THSD7B: variants seen among roughly 807,000 people sequenced by gnomAD.
THSD7B encodes thrombospondin type 1 domain containing 7B.
In THSD7B, 138 loss-of-function variants were observed where a neutral mutation model predicts 213.6. That is an observed-to-expected ratio of 0.65 (90% CI 0.56 to 0.74). The LOEUF is 0.74. THSD7B is among the 30% of genes least tolerant of loss of function. The pLI, the probability that THSD7B is intolerant of heterozygous loss-of-function variation, is 0.00. For missense variants in THSD7B, 1,931 were observed against 1,991.5 expected, an observed-to-expected ratio of 0.97 and a Z score of 0.58; for synonymous variants, 742 against 687.0, an observed-to-expected ratio of 1.08 and a Z score of -1.25.
At chr2:137,343,303 C>T (rs1003831983) in intron 12 of THSD7B, among the ~76,000 whole-genome samples, 72 of 151,444 alleles carry the variant, frequency 4.8e-4, no homozygotes, top group African/African-American at 1.7e-3. Flanking sequence ...GACTGAATCT[C>T]CTTAGTCCTT....
At chr2:137,140,566 T>C (rs1679560230) in intron 5 of THSD7B, among the ~76,000 whole-genome samples, 1 of 149,036 alleles carries the variant, frequency 6.7e-6, no homozygotes. Flanking sequence ...TTCTTCATTT[T>C]CCTGCCAGTT....
At chr2:136,879,226 T>C (rs1348060061) in intron 1 of THSD7B, among the ~76,000 whole-genome samples, 3 of 152,246 alleles carry the variant, frequency 2.0e-5, no homozygotes, top group Non-Finnish European at 2.9e-5. Flanking sequence ...CAAATAGTTG[T>C]AGATGTGTGG....
chr2:137,607,065 A>G (rs1055617538), intron 17 of THSD7B, among the ~76,000 whole-genome samples: 12 of 152,144 alleles, frequency 7.9e-5, no homozygotes, highest in Non-Finnish European at 1.5e-5. Flanking sequence ...GTTTTAATAT[A>G]ATGGGACTGA....
chr2:137,489,914 G>GT (rs940212488), intron 15 of THSD7B, among the ~76,000 whole-genome samples: 8 of 151,788 alleles, frequency 5.3e-5, no homozygotes, highest in Non-Finnish European at 8.8e-5. Context: ...ACAATGTTCT[G>GT]TTTTTTTTGT....
chr2:137,505,527 G>A (rs1043599691), intron 15 of THSD7B, among the ~76,000 whole-genome samples: 4 of 152,184 alleles, frequency 2.6e-5, no homozygotes, highest in African/African-American at 4.8e-5. Flanking sequence ...CAACTCATAG[G>A]CCACTGTCTA....
intron 19 of THSD7B, among the ~76,000 whole-genome samples, chr2:137,620,112 C>G (rs1682489549): frequency 2.6e-5 from 4 of 152,210 alleles, no homozygotes; most frequent in Admixed American, 2.6e-4. Context: ...GTATCATCAA[C>G]TTGACCCATC....
intron 7 of THSD7B, among the ~76,000 whole-genome samples, chr2:137,184,032 C>G (rs1054026311): frequency 6.6e-6 from 1 of 152,118 alleles, no homozygotes; most frequent in Admixed American, 6.6e-5. Context: ...CTCCTTATAA[C>G]AGCCCTGCAT....
chr2:136,884,343 G>T (rs1436003854), intron 2 of THSD7B, among the ~76,000 whole-genome samples: 1 of 152,178 alleles, frequency 6.6e-6, no homozygotes, highest in Non-Finnish European at 1.5e-5. Flanking sequence ...CCAGGAGAAA[G>T]AGTGGTTCCC....
intron 2 of THSD7B, among the ~76,000 whole-genome samples, chr2:137,045,988 AGAG>A (rs1044170770): frequency 6.6e-6 from 1 of 152,142 alleles, no homozygotes; most frequent in Non-Finnish European, 1.5e-5. Context: ...GAGGAAACAC[AGAG>A]AAGAGACTTT....
chr2:137,386,911 C>T (rs1373935809), intron 12 of THSD7B, among the ~76,000 whole-genome samples: 1 of 152,200 alleles, frequency 6.6e-6, no homozygotes, highest in Non-Finnish European at 1.5e-5. Context: ...ATGAGACACA[C>T]TGAGAATTCA....
chr2:137,559,261 A>G (rs931207107), intron 15 of THSD7B, among the ~76,000 whole-genome samples: 12 of 152,226 alleles, frequency 7.9e-5, no homozygotes, highest in African/African-American at 2.9e-4. Context: ...TGCCAAGTCA[A>G]TCCTAAGCCA....
At chr2:137,673,573 A>G (rs1316873886) in intron 27 of THSD7B, among the ~76,000 whole-genome samples, 1 of 152,204 alleles carries the variant, frequency 6.6e-6, no homozygotes, top group East Asian at 1.9e-4. Flanking sequence ...ACTTACTTCT[A>G]AAGGAAAAAT....
At chr2:137,047,813 G>A (rs1573788218) in intron 2 of THSD7B, among the ~76,000 whole-genome samples, 1 of 152,206 alleles carries the variant, frequency 6.6e-6, no homozygotes, top group Non-Finnish European at 1.5e-5. Flanking sequence ...TGTGCATAGG[G>A]CAAAGGAGTA....
intron 12 of THSD7B, among the ~76,000 whole-genome samples, chr2:137,388,922 G>A (rs928557191): frequency 6.6e-6 from 1 of 151,798 alleles, no homozygotes; most frequent in East Asian, 1.9e-4. Context: ...ATTCATTGAT[G>A]TACTTATGTT....
intron 1 of THSD7B, among the ~76,000 whole-genome samples, chr2:136,784,211 T>C (rs1371568945): frequency 6.6e-6 from 1 of 152,232 alleles, no homozygotes; most frequent in Admixed American, 6.5e-5. Flanking sequence ...ATAAATTATA[T>C]TTCTAGCTGA....
intron 2 of THSD7B, among the ~76,000 whole-genome samples, chr2:136,938,080 A>G (rs1239143366): frequency 1.3e-5 from 2 of 152,122 alleles, no homozygotes; most frequent in African/African-American, 4.8e-5. Context: ...GTGGGTGAGA[A>G]GTCCAACTCA....
At chr2:137,294,256 C>T (rs1001722367) in intron 12 of THSD7B, among the ~76,000 whole-genome samples, 2 of 151,988 alleles carry the variant, frequency 1.3e-5, no homozygotes, top group African/African-American at 4.8e-5. Flanking sequence ...TCGATAATTT[C>T]AGTTTCCTAT....
chr2:137,114,005 G>A (rs1318521596), intron 4 of THSD7B, among the ~76,000 whole-genome samples: 1 of 152,114 alleles, frequency 6.6e-6, no homozygotes, highest in Non-Finnish European at 1.5e-5. Flanking sequence ...TTCATTGTTA[G>A]GGATTTGTCA....
intron 9 of THSD7B, 127 bp from the exon 10 acceptor site, chr2:137,242,330 T>G: frequency 1.6e-6 from 1 of 644,424 alleles, no homozygotes; most frequent in Non-Finnish European, 2.6e-6. Context: ...CCTCCAGGAG[T>G]CTCTCTTCCC....
Sources: gnomAD v4.1 joint callset for allele counts (sites outside exome capture counted in the v4.1 genomes callset) on GRCh38, gnomAD v4.1.1 for gene constraint, MANE v1.5 for transcripts, NCBI Gene and HGNC (gene_info 2026-07-23, HGNC 2026-07-21) for gene names.